Variants in RNF13 observed in about 807,000 individuals in gnomAD.
RNF13 encodes E3 ubiquitin-protein ligase RNF13.
RNF13 carries 19 observed loss-of-function variants against 37.7 expected under a neutral mutation model. The ratio of observed to expected loss-of-function variants is 0.50; its 90% confidence interval spans 0.35 to 0.74. RNF13 has a LOEUF of 0.74. RNF13 is among the 30% of genes least tolerant of loss of function. The probability of loss-of-function intolerance (pLI) is 0.01; values close to 1 mark genes in which losing one functional copy is unlikely to be tolerated. For missense variants in RNF13, 375 were observed against 453.0 expected (o/e 0.83, Z 1.56); for synonymous variants, 144 against 157.8 (o/e 0.91, Z 0.65).
chr3:149,877,507 TATCTC>T (rs929079456), intron 4 of RNF13, among the ~76,000 whole-genome samples: 1 of 150,566 alleles, frequency 6.6e-6, no homozygotes. Flanking sequence ...ATTTTTTTGT[TATCTC>T]AGAAAGTAGC....
intron 6 of RNF13, among the ~76,000 whole-genome samples, chr3:149,908,103 A>T (rs1693402927): frequency 6.6e-6 from 1 of 152,220 alleles, no homozygotes; most frequent in South Asian, 2.1e-4. Context: ...GAATAGTTTT[A>T]TAAACTGTTT....
At chr3:149,847,538 A>G (rs1411112570) in intron 2 of RNF13, among the ~76,000 whole-genome samples, 1 of 152,026 alleles carries the variant, frequency 6.6e-6, no homozygotes, top group East Asian at 1.9e-4. Flanking sequence ...GGATGCTAGT[A>G]ATCCATACGA....
intron 4 of RNF13, among the ~76,000 whole-genome samples, chr3:149,891,677 T>A (rs923231646): frequency 6.6e-6 from 1 of 152,238 alleles, no homozygotes; most frequent in Admixed American, 6.5e-5. Context: ...CCAATACAAT[T>A]TAGAAGGCTT....
intron 8 of RNF13, among the ~76,000 whole-genome samples, chr3:149,937,816 A>T (rs1186462132): frequency 6.6e-6 from 1 of 152,134 alleles, no homozygotes; most frequent in Non-Finnish European, 1.5e-5. Context: ...TTATTTTTAA[A>T]AAATAAAGTA....
chr3:149,944,439 G>A (rs1386111510), intron 8 of RNF13, among the ~76,000 whole-genome samples: 1 of 152,150 alleles, frequency 6.6e-6, no homozygotes, highest in Non-Finnish European at 1.5e-5. Flanking sequence ...CACCAACAGA[G>A]TAAAAGTGTT....
At chr3:149,909,619 A>C (rs547693261) in intron 6 of RNF13, among the ~76,000 whole-genome samples, 3 of 152,150 alleles carry the variant, frequency 2.0e-5, no homozygotes, top group Non-Finnish European at 4.4e-5. Context: ...TAAAATCCCC[A>C]CAATATATCT....
At chr3:149,919,275 A>C (rs567839617) in intron 7 of RNF13, among the ~76,000 whole-genome samples, 5 of 152,322 alleles carry the variant, frequency 3.3e-5, no homozygotes, top group African/African-American at 1.2e-4. Flanking sequence ...ATCCATATGT[A>C]ACAGATATGT....
chr3:149,908,912 C>A (rs958613408), intron 6 of RNF13, among the ~76,000 whole-genome samples: 10 of 152,096 alleles, frequency 6.6e-5, no homozygotes, highest in African/African-American at 2.4e-4. Context: ...AAAATAAGAC[C>A]CTATTTTCTG....
intron 4 of RNF13, among the ~76,000 whole-genome samples, chr3:149,883,018 C>T (rs1713599897): frequency 6.6e-6 from 1 of 152,174 alleles, no homozygotes; most frequent in Non-Finnish European, 1.5e-5. Context: ...TATACATTCT[C>T]TCTCTGTACA....
intron 7 of RNF13, among the ~76,000 whole-genome samples, chr3:149,914,128 G>A (rs1266209298): frequency 2.6e-5 from 4 of 151,956 alleles, no homozygotes; most frequent in Non-Finnish European, 4.4e-5. Flanking sequence ...TTTTTAAATT[G>A]TTTAACTTTG....
At chr3:149,923,779 A>G (rs1006459081) in intron 8 of RNF13, among the ~76,000 whole-genome samples, 14 of 151,910 alleles carry the variant, frequency 9.2e-5, no homozygotes, top group African/African-American at 2.7e-4. Flanking sequence ...AAAAAAAAAA[A>G]AAAAGAAAAG....
chr3:149,813,361 C>A lies in RNF13; in HGVS notation c.-17+8C>A, dbSNP rs970963469. 3 of 152,258 alleles carry A rather than the reference C, an allele frequency of 2.0e-5. No homozygotes were observed. The allele number at this position is 152,258 out of a possible 1,614,324, so 9.4% of individuals were successfully genotyped here. On this transcript the variant is annotated splice_region_variant and intron_variant, in intron 1 of 9. Coordinates refer to ENST00000392894, the MANE Select transcript of RNF13 (RefSeq NM_183381.3). ...CGGGGGCCGGACTTCAAGGTAAGACCCTGTCCGGCTTCGCGGCAGCCGGGC... is the reference window on the plus strand; with the variant it reads ...CGGGGGCCGGACTTCAAGGTAAGACACTGTCCGGCTTCGCGGCAGCCGGGC...
intron 2 of RNF13, among the ~76,000 whole-genome samples, chr3:149,848,052 A>G (rs755355324): frequency 2.0e-5 from 3 of 152,230 alleles, no homozygotes; most frequent in Admixed American, 6.5e-5. Context: ...GTGATTAAAT[A>G]AGATAAACTG....
intron 8 of RNF13, among the ~76,000 whole-genome samples, chr3:149,951,673 C>G (rs992483551): frequency 6.6e-6 from 1 of 152,114 alleles, no homozygotes; most frequent in African/African-American, 2.4e-5. Context: ...TGCACCAAAT[C>G]AAAATTTGAT....
intron 9 of RNF13, among the ~76,000 whole-genome samples, chr3:149,960,473 C>A (rs1009050626): frequency 3.3e-5 from 5 of 151,844 alleles, no homozygotes; most frequent in Admixed American, 3.3e-4. Context: ...CGCCTGTAGT[C>A]CCCAGCTACT....
At chr3:149,912,805 A>AGGTCT (rs1366295030) in intron 7 of RNF13, among the ~76,000 whole-genome samples, 28 of 152,142 alleles carry the variant, frequency 1.8e-4, no homozygotes, top group Non-Finnish European at 2.5e-4. Context: ...GACTATTAGT[A>AGGTCT]GGTCTGCAAG....
chr3:149,857,811 A>G (rs1173316503), intron 3 of RNF13, among the ~76,000 whole-genome samples: 2 of 152,206 alleles, frequency 1.3e-5, no homozygotes, highest in Non-Finnish European at 2.9e-5. Context: ...TCAAATGGAT[A>G]ACCAAGTATT....
intron 1 of RNF13, among the ~76,000 whole-genome samples, chr3:149,815,484 A>G (rs968178847): frequency 1.3e-5 from 2 of 152,208 alleles, no homozygotes; most frequent in Admixed American, 6.5e-5. Context: ...ACCATTTGTC[A>G]TGTTTACCAT....
chr3:149,852,869 GATGT>G (rs1475721614), intron 3 of RNF13, among the ~76,000 whole-genome samples: 2 of 151,538 alleles, frequency 1.3e-5, no homozygotes, highest in South Asian at 4.2e-4. Context: ...TGTGTTTGTA[GATGT>G]ATGTATGTGT....
Sources: allele counts gnomAD v4.1 joint callset (sites outside exome capture counted in the v4.1 genomes callset), GRCh38; gene constraint gnomAD v4.1.1; transcripts MANE v1.5; gene names NCBI Gene and HGNC (gene_info 2026-07-23, HGNC 2026-07-21).